The following NLGN1 variants were observed in gnomAD, a reference collection of about 807,000 sequenced individuals.
NLGN1 encodes neuroligin 1.
Under a neutral mutation model 65.5 loss-of-function variants are expected in NLGN1, and 12 were observed. The ratio of observed to expected loss-of-function variants is 0.18; its 90% CI spans 0.12 to 0.30. NLGN1 has a LOEUF of 0.30. NLGN1 is among the 10% of genes least tolerant of loss of function. The probability of loss-of-function intolerance (pLI) is 1.00; values close to 1 mark genes in which losing one functional copy is unlikely to be tolerated. For missense variants in NLGN1, 750 were observed against 1,007.1 expected (o/e 0.74, Z 3.46); for synonymous variants, 350 against 359.5 (o/e 0.97, Z 0.30).
At chr3:173,561,115 C>G (rs576863768) in intron 2 of NLGN1, among the ~76,000 whole-genome samples, 1 of 152,292 alleles carries the variant, frequency 6.6e-6, no homozygotes, top group African/African-American at 2.4e-5. Flanking sequence ...GTAATTTCTT[C>G]TGGGCATAAG....
intron 2 of NLGN1, among the ~76,000 whole-genome samples, chr3:173,570,571 C>T (rs891698503): frequency 3.3e-5 from 5 of 152,132 alleles, no homozygotes; most frequent in Admixed American, 6.6e-5. Flanking sequence ...TGATTTTTAG[C>T]GCTCCAGGAA....
chr3:173,706,591 C>G (rs988658878), intron 3 of NLGN1, among the ~76,000 whole-genome samples: 2 of 152,172 alleles, frequency 1.3e-5, no homozygotes, highest in African/African-American at 4.8e-5. Flanking sequence ...AAGTATAAAA[C>G]TCTAATTGAT....
chr3:174,180,017 G>C (rs1730101004), intron 4 of NLGN1, among the ~76,000 whole-genome samples: 1 of 152,058 alleles, frequency 6.6e-6, no homozygotes, highest in Admixed American at 6.6e-5. Context: ...AGCTGGTTCA[G>C]TAAGACTGTC....
chr3:173,999,349 C>T (rs1387791390), intron 4 of NLGN1, among the ~76,000 whole-genome samples: 2 of 151,776 alleles, frequency 1.3e-5, no homozygotes, highest in Non-Finnish European at 2.9e-5. Context: ...TTTCCAACTT[C>T]TACTCAGCAA....
chr3:174,013,081 G>A (rs190575774), intron 4 of NLGN1, among the ~76,000 whole-genome samples: 1 of 152,294 alleles, frequency 6.6e-6, no homozygotes, highest in East Asian at 1.9e-4. Context: ...AGTAAATTCA[G>A]AAATGAGAGT....
chr3:173,707,050 A>G (rs1181088793), intron 3 of NLGN1, among the ~76,000 whole-genome samples: 2 of 152,220 alleles, frequency 1.3e-5, no homozygotes, highest in Admixed American at 1.3e-4. Flanking sequence ...CACTCCTATA[A>G]CATTTATCCT....
intron 4 of NLGN1, among the ~76,000 whole-genome samples, chr3:174,131,944 C>T (rs1392066721): frequency 1.3e-5 from 2 of 152,166 alleles, no homozygotes; most frequent in Non-Finnish European, 2.9e-5. Flanking sequence ...CTATTTGGTA[C>T]CATGTGTCTC....
rs962539356 is a variant in NLGN1 at position 173,829,223 on chromosome 3, T to C, written c.646+21391T>C. Among the ~76,000 whole-genome samples the C allele has an allele frequency of 5.3e-5, 8 of 152,060 alleles. No individual in the cohort carries two copies. The South Asian group carries it at 1.5e-3, about 28-fold the overall frequency. ...GGGAGAAGATGGCATGAGGAACAAC[T>C]TTTTGGCAAGACAGCATCCAGTTAG... On this transcript the variant is annotated intron_variant, in intron 4 of 6. Transcript: ENST00000457714.
intron 3 of NLGN1, chr3:173,695,489 C>A: frequency 7.4e-6 from 2 of 268,550 alleles, no homozygotes; most frequent in Middle Eastern, 1.3e-3. Context: ...TATTCTGAGT[C>A]ATTAATAAAA....
chr3:173,514,801 CT>C (rs1338969132), intron 2 of NLGN1, among the ~76,000 whole-genome samples: 6 of 152,100 alleles, frequency 3.9e-5, no homozygotes, highest in Admixed American at 1.3e-4. Flanking sequence ...GTACAATGTC[CT>C]TACTTTAATC....
intron 4 of NLGN1, among the ~76,000 whole-genome samples, chr3:174,129,323 C>T (rs963324815): frequency 6.7e-5 from 10 of 149,130 alleles, no homozygotes; most frequent in Non-Finnish European, 1.5e-4. Flanking sequence ...CCACCTGTTG[C>T]TATATCTATC....
chr3:173,632,138 A>C (rs1755786813), intron 3 of NLGN1, among the ~76,000 whole-genome samples: 2 of 152,168 alleles, frequency 1.3e-5, no homozygotes, highest in South Asian at 4.1e-4. Context: ...TGAGCATTCC[A>C]GATTGTAGGG....
Position 173,534,312 on chromosome 3 carries a change from A to G in NLGN1, c.-320-69967A>G, listed in dbSNP as rs114695736. On this transcript the variant is annotated intron_variant, in intron 2 of 6. Coordinates refer to ENST00000457714, the Ensembl canonical transcript of NLGN1. ...TAATAGTGTTTTCACTTTATCTTGA[A>G]ATTATAAATCATGTTCAATTTGCCC... is the stretch of plus-strand genomic sequence containing the variant. 1.0e-3 allele frequency among the ~76,000 whole-genome samples: 154 copies of G among 152,280 alleles called. 1 individual carries two copies. The highest frequency in any genetic ancestry group is 6.8e-3 in the Middle Eastern group (2 of 294).
chr3:173,672,032 G>A (rs1762519766), intron 3 of NLGN1, among the ~76,000 whole-genome samples: 1 of 152,028 alleles, frequency 6.6e-6, no homozygotes, highest in Non-Finnish European at 1.5e-5. Context: ...AAATTAGCCG[G>A]GCGTGGTGGC....
intron 1 of NLGN1, among the ~76,000 whole-genome samples, chr3:173,434,602 G>C (rs1717765031): frequency 6.6e-6 from 1 of 152,146 alleles, no homozygotes; most frequent in Admixed American, 6.5e-5. Context: ...TCTACTTTCA[G>C]AATAAGCTGT....
intron 4 of NLGN1, among the ~76,000 whole-genome samples, chr3:174,065,865 A>G (rs1200253852): frequency 6.6e-6 from 1 of 152,180 alleles, no homozygotes; most frequent in Non-Finnish European, 1.5e-5. Flanking sequence ...GTCTCTGACC[A>G]ATAGCCGGCA....
intron 4 of NLGN1, among the ~76,000 whole-genome samples, chr3:174,257,235 T>G (rs570868857): frequency 6.6e-6 from 1 of 152,148 alleles, no homozygotes; most frequent in Non-Finnish European, 1.5e-5. Context: ...AGAATGGCTA[T>G]TATTAAAAAG....
chr3:173,664,215 A>T (rs1761381656), intron 3 of NLGN1, among the ~76,000 whole-genome samples: 1 of 151,938 alleles, frequency 6.6e-6, no homozygotes, highest in Non-Finnish European at 1.5e-5. Context: ...GAAACAAAAA[A>T]CTCAAAATAT....
chr3:173,567,328 A>T (rs1383613097), intron 2 of NLGN1, among the ~76,000 whole-genome samples: 2 of 152,106 alleles, frequency 1.3e-5, no homozygotes, highest in Non-Finnish European at 2.9e-5. Flanking sequence ...TTAATTGGAA[A>T]TAGTTAATAA....
Sources: gnomAD v4.1 joint callset for allele counts (sites outside exome capture counted in the v4.1 genomes callset) on GRCh38, gnomAD v4.1.1 for gene constraint, MANE v1.5 for transcripts, NCBI Gene and HGNC (gene_info 2026-07-23, HGNC 2026-07-21) for gene names.